Variants in CHP1 observed in about 807,000 individuals in gnomAD.
CHP1 encodes the protein calcineurin like EF-hand protein 1.
In CHP1, 11 loss-of-function variants were observed where a neutral mutation model predicts 27.4. That is an observed-to-expected ratio of 0.40 (90% CI 0.25 to 0.67). The LOEUF is 0.67. CHP1 is among the 30% of genes least tolerant of loss of function. CHP1 has a pLI of 0.38. For missense variants in CHP1, 169 were observed against 251.3 expected (o/e 0.67, Z 2.22); for synonymous variants, 89 against 87.4 (o/e 1.02, Z -0.10).
intron 3 of CHP1, among the ~76,000 whole-genome samples, chr15:41,257,760 A>G (rs1376234872): frequency 6.6e-6 from 1 of 151,938 alleles, no homozygotes; most frequent in Non-Finnish European, 1.5e-5. Context: ...GGGTTTCACC[A>G]TGTTGGCCAG....
rs57565577 is a variant in CHP1, at chr15:41,267,929, TAAAAAAAA to T, written c.350-2617_350-2610del. ...AGTGACAGAGTGAGGCCCTATCTCT[TAAAAAAAA>T]AAAAAAAAAAGCATAAAAAAGGAAG... On this transcript the variant is annotated intron_variant, in intron 4 of 6. Coordinates refer to ENST00000334660, the MANE Select transcript of CHP1 (RefSeq NM_007236.5). Among the ~76,000 whole-genome samples the T allele has an allele frequency of 1.7e-4, 20 of 117,248 alleles. No individual in the cohort carries two copies. In the South Asian group the frequency reaches 4.7e-3, roughly 28 times the overall value. 76.9% of individuals were successfully genotyped at this position (117,248 alleles called of 152,430 possible).
chr15:41,255,923 A>G (rs1238306754), intron 2 of CHP1, among the ~76,000 whole-genome samples: 2 of 152,188 alleles, frequency 1.3e-5, no homozygotes, highest in Non-Finnish European at 2.9e-5. Context: ...AGGCTGAGGC[A>G]GGAGAATCGC....
chr15:41,247,595 C>A (rs1032422860), intron 2 of CHP1, among the ~76,000 whole-genome samples: 1 of 151,646 alleles, frequency 6.6e-6, no homozygotes, highest in Non-Finnish European at 1.5e-5. Flanking sequence ...TCACTTGAAC[C>A]CGGGAGGTGG....
chr15:41,256,964 G>C lies in CHP1; in HGVS notation c.195G>C (p.Arg65=). The part of the protein sequence containing the change: ...PELAINPLGD[R]IINAFFPEGE... ...TTGCCATCAACCCACTGGGGGACCG[G>C]ATCATCAATGCCTTCTTTCCAGAGG... The change falls in exon 3 of 7, where the codon CGG becomes CGC. Residue 65 remains arginine (R), a synonymous_variant. Coordinates refer to ENST00000334660, the MANE Select transcript of CHP1 (RefSeq NM_007236.5). 6.2e-7 allele frequency: 1 copy of C among 1,614,084 alleles called. No individual in the cohort carries two copies. The highest frequency in any genetic ancestry group is 8.5e-7 in the Non-Finnish European group (1 of 1,179,970).
chr15:41,253,669 T>G (rs113009865), intron 2 of CHP1, among the ~76,000 whole-genome samples: 20,850 of 151,682 alleles, frequency 0.14, 1,676 homozygotes, highest in South Asian at 0.27. Context: ...TTAGCCAGGT[T>G]GGTCTTCATC....
intron 3 of CHP1, among the ~76,000 whole-genome samples, chr15:41,260,394 CT>C (rs34417644): frequency 0.45 from 56,230 of 124,324 alleles, 11,265 homozygotes; most frequent in African/African-American, 0.66. Context: ...TCTTTCAAAA[CT>C]TTTTTTTTTT....
intron 4 of CHP1, among the ~76,000 whole-genome samples, chr15:41,265,603 C>T (rs1291064798): frequency 2.7e-5 from 4 of 150,552 alleles, no homozygotes; most frequent in African/African-American, 4.9e-5. Flanking sequence ...CTCAGGTACT[C>T]GGGAGGCTGA....
At chr15:41,252,357 C>T (rs888637230) in intron 2 of CHP1, among the ~76,000 whole-genome samples, 5 of 151,328 alleles carry the variant, frequency 3.3e-5, no homozygotes, top group African/African-American at 9.7e-5. Flanking sequence ...TTAGTAGAGA[C>T]GGGGTTTTAC....
intron 1 of CHP1, among the ~76,000 whole-genome samples, chr15:41,239,174 G>A (rs1023582687): frequency 1.3e-4 from 20 of 152,000 alleles, no homozygotes; most frequent in African/African-American, 4.8e-4. Context: ...AAAATTACTT[G>A]TAACCATATC....
intron 4 of CHP1, among the ~76,000 whole-genome samples, chr15:41,268,245 C>T (rs1453467015): frequency 2.0e-5 from 3 of 152,076 alleles, no homozygotes; most frequent in African/African-American, 7.2e-5. Flanking sequence ...CAGTGAAAAC[C>T]TCTCTGAGGA....
chr15:41,262,807 C>T lies in CHP1; in HGVS notation c.273C>T (p.Arg91=), dbSNP rs766243716. The T allele has an allele frequency of 1.8e-5, 29 of 1,613,616 alleles. No individual in the cohort carries two copies. In the Admixed American group the frequency reaches 4.5e-4, roughly 25 times the overall value. ...TCATGCGAACTTTGGCTCATTTCCG[C>T]CCCATTGAGGATAATGAAAAGAGCA... ...RGFMRTLAHF[R]PIEDNEKSKD... Residue 91 remains arginine, a synonymous_variant, in exon 4 of 7, where the codon CGC becomes CGT. Coordinates refer to ENST00000334660, the MANE Select transcript of CHP1 (RefSeq NM_007236.5).
In CHP1 at chr15:41,240,040, TGCTGGGATTACA is replaced by T. The variant is rs1423431304; in HGVS notation, c.68-3613_68-3602del. ...ATCCGCCCGCCTCGGCCTCCCAAAG[TGCTGGGATTACA>T]GCTGGGATTACAGGTGTGAGCCACC... On this transcript the variant is annotated intron_variant, in intron 1 of 6. Coordinates refer to ENST00000334660, the MANE Select transcript of CHP1 (RefSeq NM_007236.5). Among the ~76,000 whole-genome samples the T allele has an allele frequency of 6.6e-5, 10 of 152,204 alleles. No individual in the cohort carries two copies. The East Asian group carries it at 1.5e-3, about 24-fold the overall frequency.
intron 5 of CHP1, among the ~76,000 whole-genome samples, chr15:41,272,971 G>C (rs2047498724): frequency 6.6e-6 from 1 of 151,884 alleles, no homozygotes; most frequent in Non-Finnish European, 1.5e-5. Flanking sequence ...GCAGGAGAAT[G>C]GTGTGAACCT....
chr15:41,237,120 C>G (rs866014585), intron 1 of CHP1, among the ~76,000 whole-genome samples: 5 of 150,494 alleles, frequency 3.3e-5, no homozygotes, highest in Non-Finnish European at 5.9e-5. Context: ...CGTGAGCCAC[C>G]GCACCTGGCC....
intron 3 of CHP1, 102 bp from the exon 4 acceptor site, chr15:41,262,654 C>T (rs2047439284): frequency 7.0e-7 from 1 of 1,435,988 alleles, no homozygotes; most frequent in Non-Finnish European, 9.6e-7. Flanking sequence ...ATTAAATGAC[C>T]TTTCAGGCTA....
At chr15:41,232,590 C>G (rs1261022109) in intron 1 of CHP1, among the ~76,000 whole-genome samples, 1 of 152,006 alleles carries the variant, frequency 6.6e-6, no homozygotes, top group Non-Finnish European at 1.5e-5. Flanking sequence ...GATTCTGAAG[C>G]GCTGTAAAAT....
At position 41,279,509 on chromosome 15, in the gene CHP1, A is replaced by G; in HGVS notation, c.*120A>G. 1 of 780,630 alleles carries G rather than the reference A, an allele frequency of 1.3e-6. No homozygotes were observed. The highest frequency in any genetic ancestry group is 2.2e-6 in the Non-Finnish European group (1 of 462,298). The allele number at this position is 780,630 out of a possible 1,614,324, so 48.4% of individuals were successfully genotyped here. ...TCTCCCAAAGTACTACTGCTGTTGC[A>G]TGACAACCCCAAATATGTTCTGTCA... On this transcript the variant is annotated 3_prime_UTR_variant, in exon 7 of 7. Coordinates refer to ENST00000334660, the MANE Select transcript of CHP1 (RefSeq NM_007236.5).
intron 5 of CHP1, among the ~76,000 whole-genome samples, chr15:41,273,876 G>C (rs1025474734): frequency 3.3e-5 from 5 of 151,514 alleles, no homozygotes; most frequent in African/African-American, 1.2e-4. Flanking sequence ...AGGAGGAGGA[G>C]GTTGCAGTGA....
At position 41,231,306 on chromosome 15, in the gene CHP1, C is replaced by T. The variant is rs2047238519; in HGVS notation, c.-77C>T. 12 of 1,405,822 alleles carry T rather than the reference C, an allele frequency of 8.5e-6. No homozygotes were observed. The South Asian group carries it at 8.6e-5, about 10-fold the overall frequency. The allele number at this position is 1,405,822 out of a possible 1,614,324, so 87.1% of individuals were successfully genotyped here. A position where few individuals can be genotyped will look rare whatever the true frequency, so the allele number is the denominator to read the frequency against. On this transcript the variant is annotated 5_prime_UTR_variant, in exon 1 of 7. Coordinates refer to ENST00000334660, the MANE Select transcript of CHP1 (RefSeq NM_007236.5). ...CCCTCTCCCTTCTTGACCCCTAGCCCTTCCTTCCCTCCCTCCTTCCCTCCT... is the reference window on the plus strand; with the variant it reads ...CCCTCTCCCTTCTTGACCCCTAGCCTTTCCTTCCCTCCCTCCTTCCCTCCT...
Sources: allele counts gnomAD v4.1 joint callset (sites outside exome capture counted in the v4.1 genomes callset), GRCh38; gene constraint gnomAD v4.1.1; transcripts MANE v1.5; gene names NCBI Gene and HGNC (gene_info 2026-07-23, HGNC 2026-07-21).